Variants in FHIT observed in about 807,000 individuals in gnomAD.
The protein encoded by FHIT is bis(5'-adenosyl)-triphosphatase.
FHIT carries 19 observed loss-of-function variants against 17.9 expected under a neutral mutation model. The observed-to-expected ratio is 1.06, with a 90% CI of 0.74 to 1.56. The LOEUF (loss-of-function observed/expected upper bound fraction) is 1.56, where lower values mean the gene tolerates loss of function less well. Among genes scored for constraint, FHIT ranks in the 40% most tolerant of loss-of-function variants. The pLI, the probability that FHIT is intolerant of heterozygous loss-of-function variation, is 0.00. For synonymous variants in FHIT, 81 were observed against 69.7 expected (o/e 1.16, Z -0.81); for missense variants, 248 against 189.2 (o/e 1.31, Z -1.82).
In FHIT at chr3:60,455,555, CTTGT is replaced by C. The variant is rs550330575; in HGVS notation, c.103+81301_103+81304del. 2.2e-4 allele frequency among the ~76,000 whole-genome samples: 33 copies of C among 152,172 alleles called. No homozygotes were observed. In the South Asian group the frequency reaches 5.8e-3, roughly 27 times the overall value. On this transcript the variant is annotated intron_variant, in intron 5 of 9. Transcript: ENST00000492590. Reference sequence around the variant, plus strand: ...ACAGAGATAGGCACATAGTGGGTTGCTTGTTTATTTGCTTTAGTATGAATAATAA... The same window carrying C: ...ACAGAGATAGGCACATAGTGGGTTGCTTATTTGCTTTAGTATGAATAATAA...
intron 2 of FHIT, among the ~76,000 whole-genome samples, chr3:61,149,609 G>A (rs73093397): frequency 0.051 from 7,834 of 152,216 alleles, 239 homozygotes; most frequent in Middle Eastern, 0.12. Flanking sequence ...CAGGTGCCAT[G>A]ACTCACACCT....
chr3:60,549,553 A>G (rs1340658403), intron 4 of FHIT, among the ~76,000 whole-genome samples: 1 of 152,220 alleles, frequency 6.6e-6, no homozygotes, highest in Non-Finnish European at 1.5e-5. Flanking sequence ...CTCTCAAGAA[A>G]TGTAGCCAAT....
intron 8 of FHIT, among the ~76,000 whole-genome samples, chr3:59,877,376 G>A (rs1245326927): frequency 6.6e-6 from 1 of 152,110 alleles, no homozygotes; most frequent in Non-Finnish European, 1.5e-5. Context: ...GGAAAACTGA[G>A]TGGGTGCTGA....
At chr3:60,972,553 T>C (rs1159656576) in intron 3 of FHIT, among the ~76,000 whole-genome samples, 1 of 151,606 alleles carries the variant, frequency 6.6e-6, no homozygotes, top group African/African-American at 2.4e-5. Flanking sequence ...CCATATTTTA[T>C]TTGGCTTTTT....
At chr3:60,129,057 T>TG (rs1559658774) in intron 5 of FHIT, among the ~76,000 whole-genome samples, 1 of 145,044 alleles carries the variant, frequency 6.9e-6, no homozygotes, top group Non-Finnish European at 1.5e-5. Context: ...TTGTTTGTTT[T>TG]TTTTTTTTTT....
intron 8 of FHIT, among the ~76,000 whole-genome samples, chr3:59,916,743 T>C (rs1034023233): frequency 1.3e-5 from 2 of 152,196 alleles, no homozygotes; most frequent in African/African-American, 4.8e-5. Context: ...AGAGGGAGCA[T>C]TTGAGGTCAT....
intron 8 of FHIT, among the ~76,000 whole-genome samples, chr3:59,768,019 C>A (rs542035378): frequency 4.6e-5 from 7 of 152,294 alleles, no homozygotes; most frequent in African/African-American, 1.7e-4. Context: ...GAGAAGGGAA[C>A]AAAGGCCCAG....
At chr3:59,947,879 T>C (rs1706894693) in intron 7 of FHIT, among the ~76,000 whole-genome samples, 2 of 152,200 alleles carry the variant, frequency 1.3e-5, no homozygotes, top group African/African-American at 4.8e-5. Context: ...TGAAAATCTA[T>C]ATAAAAGACT....
intron 4 of FHIT, among the ~76,000 whole-genome samples, chr3:60,567,501 C>A (rs1169513726): frequency 6.6e-6 from 1 of 152,074 alleles, no homozygotes; most frequent in Non-Finnish European, 1.5e-5. Flanking sequence ...ACCATAAAAA[C>A]CCTAGAAGAA....
chr3:61,250,456 C>T (rs2040594396), intron 1 of FHIT, among the ~76,000 whole-genome samples: 1 of 152,158 alleles, frequency 6.6e-6, no homozygotes, highest in Non-Finnish European at 1.5e-5. Context: ...GGTAAACTTT[C>T]ACAAGCATAA....
At chr3:60,922,878 G>A (rs1327106106) in intron 3 of FHIT, among the ~76,000 whole-genome samples, 1 of 152,218 alleles carries the variant, frequency 6.6e-6, no homozygotes, top group African/African-American at 2.4e-5. Flanking sequence ...TCCTCTCACA[G>A]TCAATACATG....
At chr3:60,386,496 A>G (rs925353636) in intron 5 of FHIT, among the ~76,000 whole-genome samples, 1 of 152,156 alleles carries the variant, frequency 6.6e-6, no homozygotes, top group African/African-American at 2.4e-5. Context: ...TACTCTTGTC[A>G]TTGTTTCAAT....
At chr3:60,475,499 G>C (rs1019371169) in intron 5 of FHIT, among the ~76,000 whole-genome samples, 3 of 152,172 alleles carry the variant, frequency 2.0e-5, no homozygotes, top group Non-Finnish European at 2.9e-5. Flanking sequence ...CTGATGAATT[G>C]GAGGTGCACT....
intron 4 of FHIT, among the ~76,000 whole-genome samples, chr3:60,726,236 G>C (rs77000449): frequency 0.012 from 1,846 of 152,072 alleles, 29 homozygotes; most frequent in Admixed American, 0.045. Context: ...TCGCTGAAAG[G>C]GTTTTGTCAA....
intron 3 of FHIT, among the ~76,000 whole-genome samples, chr3:60,832,314 C>G (rs1186513256): frequency 6.6e-6 from 1 of 151,992 alleles, no homozygotes; most frequent in South Asian, 2.1e-4. Context: ...ATTACTTGAC[C>G]TAAATCACAG....
intron 8 of FHIT, among the ~76,000 whole-genome samples, chr3:59,909,934 C>T (rs553035741): frequency 6.6e-6 from 1 of 152,202 alleles, no homozygotes; most frequent in Non-Finnish European, 1.5e-5. Context: ...TTTGAAGCTA[C>T]AATCTCTCTT....
chr3:60,326,899 T>C (rs1238390304), intron 5 of FHIT, among the ~76,000 whole-genome samples: 2 of 152,222 alleles, frequency 1.3e-5, no homozygotes, highest in African/African-American at 4.8e-5. Flanking sequence ...ATGATCACAG[T>C]AATCGAAAAA....
At chr3:60,801,133 G>A (rs1701172327) in intron 4 of FHIT, among the ~76,000 whole-genome samples, 1 of 152,142 alleles carries the variant, frequency 6.6e-6, no homozygotes, top group Non-Finnish European at 1.5e-5. Context: ...TGCTTCAGAT[G>A]TATATGTATA....
At chr3:60,310,459 A>C (rs115093378) in intron 5 of FHIT, among the ~76,000 whole-genome samples, 1,861 of 152,268 alleles carry the variant, frequency 0.012, 37 homozygotes, top group African/African-American at 0.042. Flanking sequence ...AAGGAGACAG[A>C]CAATCAATGA....
Sources: allele counts gnomAD v4.1 joint callset (sites outside exome capture counted in the v4.1 genomes callset), GRCh38; gene constraint gnomAD v4.1.1; transcripts MANE v1.5; gene names NCBI Gene and HGNC (gene_info 2026-07-23, HGNC 2026-07-21).